Variants in ZNF124 observed in about 807,000 individuals in gnomAD.
The protein encoded by ZNF124 is zinc finger protein 124.
A neutral mutation model predicts 26.6 loss-of-function variants in ZNF124; 25 were observed. The ratio of observed to expected loss-of-function variants is 0.94; its 90% CI spans 0.68 to 1.31. The LOEUF (loss-of-function observed/expected upper bound fraction) is 1.31. Ranked by LOEUF, ZNF124 falls within the 40% of genes most tolerant of loss-of-function variation. ZNF124 has a pLI of 0.00. For synonymous variants in ZNF124, 129 were observed against 133.3 expected (o/e 0.97, Z 0.22); for missense variants, 444 against 422.2 (o/e 1.05, Z -0.45).
At chr1:247,130,475 C>T (rs1001333088) in intron 3 of ZNF124, among the ~76,000 whole-genome samples, 4 of 152,182 alleles carry the variant, frequency 2.6e-5, no homozygotes, top group African/African-American at 9.7e-5. Context: ...ACCTTTGTGC[C>T]GAGCGGAGAT....
chr1:247,157,421 A>G lies in ZNF124; in HGVS notation c.219-18T>C. ...TGATGTGCCTATGAAGGGATGAATG[A>G]CGTATGAAGAATTTTTCACACACAA... On this transcript the variant is annotated intron_variant, in intron 3 of 3. Coordinates refer to ENST00000543802, the MANE Select transcript of ZNF124 (RefSeq NM_001297568.2). 1 of 1,550,062 alleles carries G rather than the reference A, an allele frequency of 6.5e-7. No individual in the cohort carries two copies. Among genetic ancestry groups the G allele is most frequent in the Non-Finnish European group, 8.7e-7 (1 of 1,145,402 alleles).
downstream of ZNF124, among the ~76,000 whole-genome samples, chr1:247,151,171 G>A (rs1050142853): frequency 7.2e-5 from 11 of 152,084 alleles, no homozygotes; most frequent in Admixed American, 6.5e-4. Context: ...AAGACTAAAT[G>A]AAAATGACAG....
intron 1 of ZNF124, among the ~76,000 whole-genome samples, chr1:247,166,370 C>T (rs927896136): frequency 2.0e-5 from 3 of 151,998 alleles, no homozygotes; most frequent in African/African-American, 4.8e-5. Context: ...AGTATATATC[C>T]GAAGAAATAG....
At chr1:247,165,804 T>G (rs1673748473) in intron 1 of ZNF124, among the ~76,000 whole-genome samples, 3 of 152,128 alleles carry the variant, frequency 2.0e-5, no homozygotes, top group Admixed American at 2.0e-4. Flanking sequence ...AAATGAACAT[T>G]ATCACTCATC....
rs1673202985 is a variant in ZNF124 at position 247,157,246 on chromosome 1, T to C, written c.376A>G (p.Ile126Val). ...GGAATATTAAAAACTTTCTCACATA[T>C]TGTACAACCATAATGTCCATTTCCA... ...HTGNGHYGCT[I>V]CEKVFNIPSS... Residue 126 changes from isoleucine (I) to valine (V), a missense_variant, in exon 4 of 4, where the codon ATA becomes GTA. Ile to Val is a conservative substitution (Grantham distance 29). Coordinates refer to ENST00000543802, the MANE Select transcript of ZNF124 (RefSeq NM_001297568.2). 4 of 1,614,042 alleles carry C rather than the reference T, an allele frequency of 2.5e-6. No individual in the cohort carries two copies. The highest frequency in any genetic ancestry group is 2.2e-5 in the South Asian group (2 of 91,068).
chr1:247,164,817 G>A (rs191225464), intron 1 of ZNF124, among the ~76,000 whole-genome samples: 1 of 152,170 alleles, frequency 6.6e-6, no homozygotes, highest in African/African-American at 2.4e-5. Flanking sequence ...CAAGCAAGAA[G>A]AACAAAGTTT....
chr1:247,127,862 CT>C (rs869083198), intron 3 of ZNF124, among the ~76,000 whole-genome samples: 2 of 76,998 alleles, frequency 2.6e-5, no homozygotes, highest in Non-Finnish European at 5.1e-5. Flanking sequence ...GCCCTTCCTT[CT>C]TTAACTCGGT....
Position 247,157,042 on chromosome 1 carries a change from G to A in ZNF124, c.580C>T (p.Arg194Cys), listed in dbSNP as rs543277001. 8.7e-6 allele frequency: 14 copies of A among 1,614,080 alleles called. No individual in the cohort carries two copies. The highest frequency in any genetic ancestry group is 2.2e-5 in the East Asian group (1 of 44,872). The change falls in exon 4 of 4, where the codon CGT (arginine) becomes TGT (cysteine). Residue 194 changes from arginine (R) to cysteine (C), a missense_variant. Physicochemically the swap from Arg to Cys is radical, Grantham distance 180. Transcript: ENST00000543802. ...CCAGTATGAGTTCTTTCATGGTCAC[G>A]AAGGTGACTGGAACGACTGAAGGCT... ...GKAFSRSSHL[R>C]DHERTHTGEK...
intron 3 of ZNF124, among the ~76,000 whole-genome samples, chr1:247,158,220 A>AG (rs1215044254): frequency 6.6e-6 from 1 of 152,164 alleles, no homozygotes; most frequent in Non-Finnish European, 1.5e-5. Flanking sequence ...ACTGCACTCC[A>AG]GTCTGGATAC....
At chr1:247,159,119 T>G in intron 2 of ZNF124, 53 bp from the exon 3 acceptor site, 2 of 1,533,560 alleles carry the variant, frequency 1.3e-6, no homozygotes, top group Non-Finnish European at 1.8e-6. Flanking sequence ...TATAGAAAAA[T>G]TACTAGACTC....
Position 247,156,783 on chromosome 1 carries a change from T to C in ZNF124, c.839A>G (p.His280Arg). 1 of 1,613,414 alleles carries C rather than the reference T, an allele frequency of 6.2e-7. No individual in the cohort carries two copies. Among genetic ancestry groups the C allele is most frequent in the Non-Finnish European group, 8.5e-7 (1 of 1,179,774 alleles). The change falls in exon 4 of 4, where the codon CAC becomes CGC. Residue 280 changes from histidine (H) to arginine (R), a missense_variant. Physicochemically the swap from His to Arg is conservative, Grantham distance 29. Coordinates refer to ENST00000543802, the MANE Select transcript of ZNF124 (RefSeq NM_001297568.2). ...TTTCTGTGCAATATGAGTTTTCTCGTGTTTCTGAAGGGAACTGGCGTATCT... is the reference window on the plus strand; with the variant it reads ...TTTCTGTGCAATATGAGTTTTCTCGCGTTTCTGAAGGGAACTGGCGTATCT... Reference protein sequence around the residue: ...AFRYASSLQKHEKTHIAQKPY... With the variant: ...AFRYASSLQKREKTHIAQKPY...
intron 1 of ZNF124, among the ~76,000 whole-genome samples, chr1:247,161,579 AAT>A (rs1383705396): frequency 6.6e-6 from 1 of 152,104 alleles, no homozygotes; most frequent in Non-Finnish European, 1.5e-5. Flanking sequence ...AAAACAGTAA[AAT>A]AAAAATCTGC....
chr1:247,170,969 A>G (rs1674085171), intron 1 of ZNF124, among the ~76,000 whole-genome samples: 1 of 80,536 alleles, frequency 1.2e-5, no homozygotes, highest in African/African-American at 7.0e-5. Flanking sequence ...GCATAAGACA[A>G]TATGAGGGGT....
downstream of ZNF124, among the ~76,000 whole-genome samples, chr1:247,154,547 A>G (rs1200581531): frequency 1.3e-5 from 2 of 152,218 alleles, no homozygotes; most frequent in Non-Finnish European, 2.9e-5. Flanking sequence ...AGTATATAGC[A>G]CTATAAACTA....
At chr1:247,148,978 GA>G (rs1048387448) in intron 3 of ZNF124, among the ~76,000 whole-genome samples, 3 of 141,758 alleles carry the variant, frequency 2.1e-5, no homozygotes, top group Admixed American at 7.0e-5. Context: ...TCAAAAAAAA[GA>G]AAAAAAAAAC....
At chr1:247,126,011 T>C (rs1037176238) in intron 3 of ZNF124, among the ~76,000 whole-genome samples, 2 of 147,184 alleles carry the variant, frequency 1.4e-5, no homozygotes, top group Non-Finnish European at 3.0e-5. Context: ...CACCTATAAT[T>C]CCAGCACTTT....
chr1:247,158,071 G>A (rs1673256117), intron 3 of ZNF124, among the ~76,000 whole-genome samples: 1 of 152,104 alleles, frequency 6.6e-6, no homozygotes. Flanking sequence ...CCAACATGGT[G>A]AAATGCTGTC....
intron 3 of ZNF124, among the ~76,000 whole-genome samples, chr1:247,144,652 T>G (rs1175144144): frequency 2.0e-5 from 3 of 152,192 alleles, no homozygotes; most frequent in Admixed American, 1.3e-4. Flanking sequence ...TGGCTTTATA[T>G]TCCACTTTTG....
Position 247,157,075 on chromosome 1 carries a change from A to G in ZNF124, c.547T>C (p.Cys183Arg), listed in dbSNP as rs1486479667. The G allele has an allele frequency of 8.1e-6, 13 of 1,614,184 alleles. No individual in the cohort carries two copies. The highest frequency in any genetic ancestry group is 2.2e-5 in the East Asian group (1 of 44,882). ...CTGGAACGACTGAAGGCTTTCCCACATTGCTTACATTCATAGCGTTTTTCT... is the reference window on the plus strand; with the variant it reads ...CTGGAACGACTGAAGGCTTTCCCACGTTGCTTACATTCATAGCGTTTTTCT... The part of the protein sequence containing the change: ...TGEKRYECKQ[C>R]GKAFSRSSHL... The change falls in exon 4 of 4, where the codon TGT becomes CGT. Residue 183 changes from cysteine to arginine, a missense_variant. Physicochemically the swap from Cys to Arg is radical, Grantham distance 180 (BLOSUM62 -3). Transcript: ENST00000543802.
Sources: allele counts gnomAD v4.1 joint callset (sites outside exome capture counted in the v4.1 genomes callset), GRCh38; gene constraint gnomAD v4.1.1; transcripts MANE v1.5; gene names NCBI Gene and HGNC (gene_info 2026-07-23, HGNC 2026-07-21).